SRGAP1: variants seen among roughly 807,000 people sequenced by gnomAD.
SRGAP1 encodes the protein SLIT-ROBO Rho GTPase-activating protein 1.
Under a neutral mutation model 121.9 loss-of-function variants are expected in SRGAP1, and 43 were observed. The observed-to-expected ratio is 0.35, with a 90% CI of 0.28 to 0.46. The LOEUF (loss-of-function observed/expected upper bound fraction) is 0.46, where lower values mean the gene tolerates loss of function less well. SRGAP1 is among the 20% of genes least tolerant of loss of function. The probability of loss-of-function intolerance (pLI) is 1.00; values close to 1 mark genes in which losing one functional copy is unlikely to be tolerated. For missense variants in SRGAP1, 1,102 were observed against 1,350.9 expected (o/e 0.82, Z 2.89); for synonymous variants, 447 against 485.4 (o/e 0.92, Z 1.04).
chr12:64,086,922 A>G, intron 10 of SRGAP1, 77 bp from the exon 11 acceptor site: 1 of 1,053,588 alleles, frequency 9.5e-7, no homozygotes, highest in Non-Finnish European at 1.4e-6. Context: ...AAAATACCGG[A>G]TAGGAGATAC....
intron 1 of SRGAP1, among the ~76,000 whole-genome samples, chr12:63,916,979 G>A (rs886424046): frequency 6.6e-6 from 1 of 152,122 alleles, no homozygotes; most frequent in South Asian, 2.1e-4. Context: ...GGATCATTTG[G>A]CATGGGCTGC....
chr12:64,013,688 A>C (rs2034320077), intron 3 of SRGAP1, among the ~76,000 whole-genome samples: 1 of 152,200 alleles, frequency 6.6e-6, no homozygotes, highest in East Asian at 1.9e-4. Context: ...GGACTTGAGG[A>C]ATTATCAGTT....
In SRGAP1 at chr12:63,984,057, G is replaced by A; in HGVS notation, c.178G>A (p.Glu60Lys). 2 of 1,559,398 alleles carry A rather than the reference G, an allele frequency of 1.3e-6. No homozygotes were observed. Among genetic ancestry groups the A allele is most frequent in the Non-Finnish European group, 1.7e-6 (2 of 1,146,606 alleles). ...TTTCTTCCGAAAAAAAGCTGAAATTGAGACGGAATATTCCCGGAATCTAGA... is the reference window on the plus strand; with the variant it reads ...TTTCTTCCGAAAAAAAGCTGAAATTAAGACGGAATATTCCCGGAATCTAGA... The part of the protein sequence containing the change: ...QDFFRKKAEI[E>K]TEYSRNLEKL... Residue 60 changes from glutamate (E) to lysine (K), a missense_variant, in exon 2 of 22, where the codon GAG becomes AAG. By Grantham distance (56) the Glu-to-Lys change is moderately conservative (BLOSUM62 1). Coordinates refer to ENST00000355086, the MANE Select transcript of SRGAP1 (RefSeq NM_020762.4).
chr12:64,079,473 ATATATATATTTATATT>A (rs1007671994), intron 9 of SRGAP1, among the ~76,000 whole-genome samples: 6 of 148,722 alleles, frequency 4.0e-5, no homozygotes, highest in South Asian at 2.1e-4. Context: ...TACAAAACAT[ATATATATATTTATATT>A]TATATATATT....
intron 1 of SRGAP1, among the ~76,000 whole-genome samples, chr12:63,873,424 T>C (rs191369420): frequency 5.5e-4 from 83 of 151,506 alleles, no homozygotes; most frequent in Non-Finnish European, 9.9e-4. Context: ...TCCCAGCTAC[T>C]TAGGAGGCTG....
chr12:63,885,578 G>A (rs1046622787), intron 1 of SRGAP1, among the ~76,000 whole-genome samples: 3 of 152,218 alleles, frequency 2.0e-5, no homozygotes, highest in Non-Finnish European at 4.4e-5. Context: ...AGCAAGGCTT[G>A]TCTGTTTAAA....
At chr12:63,987,427 G>A (rs1371905250) in intron 2 of SRGAP1, among the ~76,000 whole-genome samples, 1 of 151,994 alleles carries the variant, frequency 6.6e-6, no homozygotes, top group Non-Finnish European at 1.5e-5. Flanking sequence ...TTCACTGATA[G>A]AAAAGATACA....
chr12:63,888,077 CTCTT>C (rs1379274712), intron 1 of SRGAP1: 4 of 152,164 alleles, frequency 2.6e-5, no homozygotes, highest in Non-Finnish European at 4.4e-5. Context: ...GTTTATTTTT[CTCTT>C]TCTTCTGGGT....
At chr12:63,856,645 C>T (rs930578206) in intron 1 of SRGAP1, among the ~76,000 whole-genome samples, 4 of 152,094 alleles carry the variant, frequency 2.6e-5, no homozygotes, top group Non-Finnish European at 5.9e-5. Flanking sequence ...TATTGTGTTC[C>T]GTTGGTTAAT....
chr12:64,117,160 T>G (rs2036536579), intron 18 of SRGAP1, among the ~76,000 whole-genome samples: 4 of 152,162 alleles, frequency 2.6e-5, no homozygotes, highest in Admixed American at 2.6e-4. Context: ...GGTGAGTTGT[T>G]TACTATCTCC....
At chr12:63,913,518 T>TATATGTGTGTATTATATATATAC (rs1565947891) in intron 1 of SRGAP1, among the ~76,000 whole-genome samples, 3 of 146,082 alleles carry the variant, frequency 2.1e-5, no homozygotes, top group African/African-American at 7.5e-5. Context: ...TATATATATA[T>TATATGTGTGTATTATATATATAC]ACATATATGT....
At position 64,050,856 on chromosome 12, in the gene SRGAP1, G is replaced by A. The variant is rs560005120; in HGVS notation, c.801+7281G>A. ...TCTGCCTCATCCTCCCAAGTAGCTG[G>A]GATTACAGGTACGGACCACCATGCC... On this transcript the variant is annotated intron_variant, in intron 6 of 21. Transcript: ENST00000355086. 2.0e-5 allele frequency among the ~76,000 whole-genome samples: 3 copies of A among 152,198 alleles called. No homozygotes were observed. In the South Asian group the frequency reaches 6.2e-4, roughly 32 times the overall value.
chr12:64,002,296 A>T (rs1259291857), intron 3 of SRGAP1, among the ~76,000 whole-genome samples: 1 of 152,204 alleles, frequency 6.6e-6, no homozygotes, highest in East Asian at 1.9e-4. Flanking sequence ...ACAACTACCT[A>T]CAACTCTGAA....
chr12:64,109,162 TGAAA>T, intron 16 of SRGAP1, 125 bp downstream of exon 16: 1 of 542,090 alleles, frequency 1.8e-6, no homozygotes, highest in Non-Finnish European at 3.0e-6. Flanking sequence ...GAATATACAT[TGAAA>T]AATGTACTGA....
intron 1 of SRGAP1, among the ~76,000 whole-genome samples, chr12:63,926,996 C>T (rs571051675): frequency 1.3e-5 from 2 of 152,232 alleles, no homozygotes; most frequent in South Asian, 2.1e-4. Context: ...GAACTTCATT[C>T]TATTTCTGAG....
At chr12:63,858,691 T>C (rs1177126307) in intron 1 of SRGAP1, among the ~76,000 whole-genome samples, 3 of 152,224 alleles carry the variant, frequency 2.0e-5, no homozygotes, top group Non-Finnish European at 2.9e-5. Flanking sequence ...TCTTCTCATG[T>C]CAGTTTTGAT....
intron 1 of SRGAP1, among the ~76,000 whole-genome samples, chr12:63,846,191 A>G (rs1282292830): frequency 6.6e-6 from 1 of 152,142 alleles, no homozygotes; most frequent in Non-Finnish European, 1.5e-5. Context: ...AATTGTGATA[A>G]TTTATACTTA....
intron 4 of SRGAP1, among the ~76,000 whole-genome samples, chr12:64,021,474 G>A (rs746340471): frequency 1.3e-5 from 2 of 152,194 alleles, no homozygotes; most frequent in African/African-American, 2.4e-5. Flanking sequence ...CTATGAGGTA[G>A]TTATTCTCAT....
At chr12:64,108,879 G>A (rs1251458192) in intron 15 of SRGAP1, 53 bp from the exon 16 acceptor site, 2 of 1,377,728 alleles carry the variant, frequency 1.5e-6, no homozygotes, top group Admixed American at 3.5e-5. Context: ...GCAGTGTTCT[G>A]TTTTAAATGT....
Sources: gnomAD v4.1 joint callset for allele counts (sites outside exome capture counted in the v4.1 genomes callset) on GRCh38, gnomAD v4.1.1 for gene constraint, MANE v1.5 for transcripts, NCBI Gene and HGNC (gene_info 2026-07-23, HGNC 2026-07-21) for gene names.